The following GRWD1 variants were observed in gnomAD, a reference collection of about 807,000 sequenced individuals.
GRWD1 encodes glutamate rich WD repeat containing 1, also known as glutamate-rich WD repeat-containing protein 1.
A neutral mutation model predicts 45.3 loss-of-function variants in GRWD1; 29 were observed. The ratio of observed to expected loss-of-function variants is 0.64; its 90% confidence interval spans 0.48 to 0.87. The LOEUF is 0.87. Ranked by LOEUF, GRWD1 falls within the 40% of genes least tolerant of loss-of-function variation. The pLI is 0.00. For missense variants in GRWD1, 592 were observed against 618.8 expected (o/e 0.96, Z 0.46); for synonymous variants, 262 against 257.6 (o/e 1.02, Z -0.16).
Position 48,446,806 on chromosome 19 carries a change from C to T in GRWD1, c.431C>T (p.Ala144Val). Residue 144 changes from alanine to valine, a missense_variant, in exon 3 of 7, where the codon GCC (alanine) becomes GTC (valine). Physicochemically the swap from Ala to Val is moderately conservative, Grantham distance 64 (BLOSUM62 0). Transcript: ENST00000253237. ...GAGCGGAAACCTCAGCTGGAGCTGGCCATGGTGCCCCACTATGGTGGCATC... is the reference window on the plus strand; with the variant it reads ...GAGCGGAAACCTCAGCTGGAGCTGGTCATGGTGCCCCACTATGGTGGCATC... Reference protein sequence around the residue: ...EEERKPQLELAMVPHYGGINR... With the variant: ...EEERKPQLELVMVPHYGGINR... 3.1e-6 allele frequency: 5 copies of T among 1,613,918 alleles called. No homozygotes were observed. The highest frequency in any genetic ancestry group is 4.2e-6 in the Non-Finnish European group (5 of 1,179,994).
In GRWD1 at chr19:48,446,846, A is replaced by C; in HGVS notation, c.468+3A>C. The C allele has an allele frequency of 6.2e-7, 1 of 1,611,630 alleles. No homozygotes were observed. Among genetic ancestry groups the C allele is most frequent in the Non-Finnish European group, 8.5e-7 (1 of 1,179,252 alleles). ...ATGGTGGCATCAACCGAGTTCGGGT[A>C]AGTATGGTCCCAGGAGCCTGCTCTG... On this transcript the variant is annotated splice_donor_region_variant and intron_variant, in intron 3 of 6. Transcript: ENST00000253237.
chr19:48,448,142 A>G (rs1227487411), intron 3 of GRWD1, among the ~76,000 whole-genome samples: 3 of 151,956 alleles, frequency 2.0e-5, no homozygotes, highest in African/African-American at 7.3e-5. Context: ...GTAGAAATGG[A>G]GTCTCATTAT....
In GRWD1 at chr19:48,446,780, AG is replaced by A; in HGVS notation, c.406del (p.Glu136SerfsTer69). 6.2e-7 allele frequency: 1 copy of A among 1,614,182 alleles called. No homozygotes were observed. Among genetic ancestry groups the A allele is most frequent in the Non-Finnish European group, 8.5e-7 (1 of 1,180,024 alleles). On this transcript the variant is annotated frameshift_variant, in exon 3 of 7. Coordinates refer to ENST00000253237, the MANE Select transcript of GRWD1 (RefSeq NM_031485.4). LOFTEE classifies it high-confidence loss of function. The part of the protein sequence containing the change: ...EEEEDEEDEE[E>X]RKPQLELAMV... ...AGGAGGAAGATGAAGAGGATGAAGAAGAGCGGAAACCTCAGCTGGAGCTGGC... is the reference window on the plus strand; with the variant it reads ...AGGAGGAAGATGAAGAGGATGAAGAAAGCGGAAACCTCAGCTGGAGCTGGC...
rs374361662 is a variant in GRWD1 at position 48,452,618 on chromosome 19, G to A, written c.1024-90G>A. ...GGGTGGGGCCCTGGCTGAACCCTGAGGCTGGAGAAGGGTTGGGGCTTCTGC... is the reference window on the plus strand; with the variant it reads ...GGGTGGGGCCCTGGCTGAACCCTGAAGCTGGAGAAGGGTTGGGGCTTCTGC... On this transcript the variant is annotated intron_variant, in intron 6 of 6. Coordinates refer to ENST00000253237, the MANE Select transcript of GRWD1 (RefSeq NM_031485.4). This position sits in a 1 kb window ranked among gnomAD's most constrained non-coding sequence, Gnocchi z 5.1. The A allele has an allele frequency of 6.2e-6, 7 of 1,132,808 alleles. No individual in the cohort carries two copies. The Admixed American group carries it at 6.8e-5, about 11-fold the overall frequency. 70.2% of individuals were successfully genotyped at this position (1,132,808 alleles called of 1,614,324 possible).
rs1419326653 is a variant in GRWD1, at chr19:48,450,404, T to C, written c.560T>C (p.Val187Ala). ...GCGCTGCGGCGGCTTCTGCAGGTGG[T>C]GGAGGAGCCCCAGGCCCTGGCAGCC... ...VFALRRLLQV[V>A]EEPQALAAFL... Residue 187 changes from valine to alanine, a missense_variant, in exon 4 of 7, where the codon GTG (valine) becomes GCG (alanine). Physicochemically the swap from Val to Ala is moderately conservative, Grantham distance 64. Coordinates refer to ENST00000253237, the MANE Select transcript of GRWD1 (RefSeq NM_031485.4). This position sits in a 1 kb window ranked among gnomAD's most constrained non-coding sequence, Gnocchi z 5.1. The C allele has an allele frequency of 6.2e-7, 1 of 1,613,712 alleles. No homozygotes were observed. The highest frequency in any genetic ancestry group is 1.1e-5 in the South Asian group (1 of 91,056).
rs1601006294 is a variant in GRWD1, at chr19:48,453,014, A to G, written c.1330A>G (p.Ile444Val). Residue 444 changes from isoleucine (I) to valine (V), a missense_variant, in exon 7 of 7, where the codon ATC (isoleucine) becomes GTC (valine). By Grantham distance (29) the Ile-to-Val change is conservative. Transcript: ENST00000253237. ...GTCAGGCTTCACCATCTTCCGCACCATCAGCGTCTGAGGCGTCCCACTGGC... is the reference window on the plus strand; with the variant it reads ...GTCAGGCTTCACCATCTTCCGCACCGTCAGCGTCTGAGGCGTCCCACTGGC... ...ALSGFTIFRT[I>V]SV is the part of the protein sequence containing the mutation. 6.3e-7 allele frequency: 1 copy of G among 1,585,912 alleles called. No homozygotes were observed. The highest frequency in any genetic ancestry group is 8.6e-7 in the Non-Finnish European group (1 of 1,161,408).
rs1471005029 is a variant in GRWD1, at chr19:48,452,227, G to A, written c.1024-481G>A. ...CGATTCTCCTGCCTCAGCCTCCTGAGTAACTGGGATTACAGGCATGTGACA... is the reference window on the plus strand; with the variant it reads ...CGATTCTCCTGCCTCAGCCTCCTGAATAACTGGGATTACAGGCATGTGACA... On this transcript the variant is annotated intron_variant, in intron 6 of 6. Coordinates refer to ENST00000253237, the MANE Select transcript of GRWD1 (RefSeq NM_031485.4). The surrounding 1 kb of genome is among the most constrained non-coding windows in gnomAD (Gnocchi z 5.1). 6.6e-6 allele frequency among the ~76,000 whole-genome samples: 1 copy of A among 152,022 alleles called. No individual in the cohort carries two copies. The highest frequency in any genetic ancestry group is 1.5e-5 in the Non-Finnish European group (1 of 67,996).
At chr19:48,447,308 A>G (rs1971421887) in intron 3 of GRWD1, among the ~76,000 whole-genome samples, 1 of 151,216 alleles carries the variant, frequency 6.6e-6, no homozygotes, top group Non-Finnish European at 1.5e-5. Flanking sequence ...GGGCAATGGC[A>G]TGATCTCAGC....
chr19:48,456,662 C>G lies in GRWD1; in HGVS notation c.*3637C>G, dbSNP rs1971542457. 1 of 152,182 alleles carries G rather than the reference C, an allele frequency of 6.6e-6. No homozygotes were observed. The highest frequency in any genetic ancestry group is 1.5e-5 in the Non-Finnish European group (1 of 68,058). 9.4% of individuals were successfully genotyped at this position (152,182 alleles called of 1,614,324 possible). On this transcript the variant is annotated 3_prime_UTR_variant, in exon 7 of 7. Coordinates refer to ENST00000253237, the MANE Select transcript of GRWD1 (RefSeq NM_031485.4). ...GGTTCCAGCACAAATTATTTAACCC[C>G]TGGAATGGTTTGTCCTGATCCAGCC...
Position 48,450,756 on chromosome 19 carries a change from T to C in GRWD1, c.773T>C (p.Val258Ala), listed in dbSNP as rs756088504. The C allele has an allele frequency of 3.8e-5, 62 of 1,613,892 alleles. No individual in the cohort carries two copies. The highest frequency in any genetic ancestry group is 2.5e-6 in the Non-Finnish European group (3 of 1,180,006). The change falls in exon 5 of 7, where the codon GTG becomes GCG. Residue 258 changes from valine (V) to alanine (A), a missense_variant. By Grantham distance (64) the Val-to-Ala change is moderately conservative. Transcript: ENST00000253237. The surrounding 1 kb of genome is among the most constrained non-coding windows in gnomAD (Gnocchi z 5.1). ...GSWHVDQRPF[V>A]GHTRSVEDLQ... ...TGGCACGTGGACCAGCGGCCATTCG[T>C]GGGCCACACACGCTCTGTGGAGGAC...
At position 48,451,067 on chromosome 19, in the gene GRWD1, C is replaced by G. The variant is rs149086809; in HGVS notation, c.859C>G (p.Arg287Gly). The G allele has an allele frequency of 1.4e-5, 23 of 1,614,020 alleles. 1 individual carries two copies. Among genetic ancestry groups the G allele is most frequent in the Middle Eastern group, 3.3e-4 (2 of 6,060 alleles). ...FASCSADASI[R>G]IWDIRAAPSK... The stretch of plus-strand genomic sequence containing the variant: ...CTCCTGCTCAGCTGACGCCTCCATC[C>G]GCATCTGGGACATCCGGGCAGCCCC... Residue 287 changes from arginine (R) to glycine (G), a missense_variant, in exon 6 of 7, where the codon CGC (arginine) becomes GGC (glycine). Transcript: ENST00000253237.
chr19:48,450,656 C>T lies in GRWD1; in HGVS notation c.683-10C>T, dbSNP rs748374645. 1.9e-6 allele frequency: 3 copies of T among 1,613,106 alleles called. No homozygotes were observed. Among genetic ancestry groups the T allele is most frequent in the Non-Finnish European group, 2.5e-6 (3 of 1,179,590 alleles). On this transcript the variant is annotated splice_polypyrimidine_tract_variant and intron_variant, in intron 4 of 6. Transcript: ENST00000253237. This position sits in a 1 kb window ranked among gnomAD's most constrained non-coding sequence, Gnocchi z 5.1. ...GTGGGGCGAGGTCATTTCCTGACTC[C>T]CTTCCCCAGGTCGCCTGCTGACCGG... is the stretch of plus-strand genomic sequence containing the variant.
chr19:48,448,359 T>C (rs1175230557), intron 3 of GRWD1, among the ~76,000 whole-genome samples: 1 of 152,190 alleles, frequency 6.6e-6, no homozygotes, highest in Admixed American at 6.5e-5. Context: ...GGCTGATAGC[T>C]GGGGCTGTCT....
Position 48,451,284 on chromosome 19 carries a change from C to A in GRWD1, c.1023+53C>A, listed in dbSNP as rs1971473600. The A allele has an allele frequency of 2.3e-5, 34 of 1,459,306 alleles. No individual in the cohort carries two copies. The South Asian group carries it at 3.6e-4, about 16-fold the overall frequency. The allele number at this position is 1,459,306 out of a possible 1,614,324, so 90.4% of individuals were successfully genotyped here. On this transcript the variant is annotated intron_variant, in intron 6 of 6. Transcript: ENST00000253237. ...CTAGAGAAGCTTGCTCCCAGCAGCC[C>A]CTGGGATTTGTAGGATTTTTCCTCC... is the stretch of plus-strand genomic sequence containing the variant.
chr19:48,450,700 C>A lies in GRWD1; in HGVS notation c.717C>A (p.Ile239=). The part of the protein sequence containing the change: ...RLLTGDCQKN[I]HLWTPTDGGS... ...TGACCGGTGACTGTCAAAAGAACAT[C>A]CACCTCTGGACACCTACGGACGGCG... The change falls in exon 5 of 7, where the codon ATC becomes ATA. Residue 239 remains isoleucine, a synonymous_variant. Coordinates refer to ENST00000253237, the MANE Select transcript of GRWD1 (RefSeq NM_031485.4). This position sits in a 1 kb window ranked among gnomAD's most constrained non-coding sequence, Gnocchi z 5.1. The A allele has an allele frequency of 1.9e-6, 3 of 1,614,062 alleles. No homozygotes were observed. The highest frequency in any genetic ancestry group is 1.7e-6 in the Non-Finnish European group (2 of 1,180,022).
rs1175895938 is a variant in GRWD1, at chr19:48,455,165, C to T, written c.*2140C>T. ...ATCAATGTCCCTTTCCTGCTGCCCT[C>T]TCTGGGTCTCTGTCCCCCTCTCTCT... On this transcript the variant is annotated 3_prime_UTR_variant, in exon 7 of 7. Coordinates refer to ENST00000253237, the MANE Select transcript of GRWD1 (RefSeq NM_031485.4). 1 of 152,322 alleles carries T rather than the reference C, an allele frequency of 6.6e-6. No homozygotes were observed. Among genetic ancestry groups the T allele is most frequent in the Non-Finnish European group, 1.5e-5 (1 of 68,394 alleles). The allele number at this position is 152,322 out of a possible 1,614,324, so 9.4% of individuals were successfully genotyped here.
At chr19:48,451,372 G>C in intron 6 of GRWD1, 141 bp downstream of exon 6, 1 of 706,690 alleles carries the variant, frequency 1.4e-6, no homozygotes, top group East Asian at 2.8e-5. Flanking sequence ...CCTCTTCAGG[G>C]TACAGAGGAG....
At position 48,450,163 on chromosome 19, in the gene GRWD1, C is replaced by A; in HGVS notation, c.469-150C>A. 1.5e-6 allele frequency: 1 copy of A among 653,766 alleles called. No individual in the cohort carries two copies. The highest frequency in any genetic ancestry group is 2.7e-6 in the Non-Finnish European group (1 of 371,874). 40.5% of individuals were successfully genotyped at this position (653,766 alleles called of 1,614,324 possible). On this transcript the variant is annotated intron_variant, in intron 3 of 6. Coordinates refer to ENST00000253237, the MANE Select transcript of GRWD1 (RefSeq NM_031485.4). The surrounding 1 kb of genome is among the most constrained non-coding windows in gnomAD (Gnocchi z 5.1). ...TTTTTGCAGGTTGTGATTTTCTTCC[C>A]ACAGAGGTTTCAAGGAGCTGTAGTC...
chr19:48,451,652 C>T (rs1481599603), intron 6 of GRWD1, among the ~76,000 whole-genome samples: 3 of 152,212 alleles, frequency 2.0e-5, no homozygotes, highest in Non-Finnish European at 4.4e-5. Flanking sequence ...GCCGCTGTGA[C>T]ATGACAGCCA....
Sources: allele counts gnomAD v4.1 joint callset (sites outside exome capture counted in the v4.1 genomes callset), GRCh38; gene constraint gnomAD v4.1.1; non-coding constraint Gnocchi (gnomAD v3.1); transcripts MANE v1.5; gene names NCBI Gene and HGNC (gene_info 2026-07-23, HGNC 2026-07-21).